Variants in ACSF3 observed in about 807,000 individuals in gnomAD.
The protein encoded by ACSF3 is acyl-CoA synthetase family member 3, also known as malonate--CoA ligase ACSF3, mitochondrial.
Under a neutral mutation model 53.2 loss-of-function variants are expected in ACSF3, and 78 were observed. That is an observed-to-expected ratio of 1.47 (90% CI 1.22 to 1.77). The LOEUF (loss-of-function observed/expected upper bound fraction) is 1.77. Among genes scored for constraint, ACSF3 ranks in the 40% most tolerant of loss-of-function variants. The pLI is 0.00. For missense variants in ACSF3, 937 were observed against 771.1 expected, an observed-to-expected ratio of 1.22 and a Z score of -2.55; for synonymous variants, 414 against 333.1, an observed-to-expected ratio of 1.24 and a Z score of -2.65.
At chr16:89,132,067 A>T (rs1190644315) in intron 7 of ACSF3, among the ~76,000 whole-genome samples, 1 of 152,246 alleles carries the variant, frequency 6.6e-6, no homozygotes, top group Admixed American at 6.5e-5. Flanking sequence ...CAGCAGGACG[A>T]CACACTCGGC....
At chr16:89,139,193 C>T (rs530826182) in intron 8 of ACSF3, among the ~76,000 whole-genome samples, 6 of 152,306 alleles carry the variant, frequency 3.9e-5, no homozygotes, top group Admixed American at 2.0e-4. Context: ...TTTCCAGAGT[C>T]GGGAAAGTCT....
intron 10 of ACSF3, among the ~76,000 whole-genome samples, chr16:89,146,324 G>A (rs1912951488): frequency 1.3e-5 from 2 of 152,166 alleles, no homozygotes; most frequent in Admixed American, 6.5e-5. Context: ...CCTGTGGTGG[G>A]TTCCGTCCTG....
intron 8 of ACSF3, among the ~76,000 whole-genome samples, chr16:89,135,706 C>G (rs1376677435): frequency 6.6e-6 from 1 of 152,252 alleles, no homozygotes; most frequent in Non-Finnish European, 1.5e-5. Flanking sequence ...AGGTCTTGCT[C>G]TGAGCATCCC....
chr16:89,133,878 G>A (rs924944637), intron 8 of ACSF3, among the ~76,000 whole-genome samples: 3 of 152,196 alleles, frequency 2.0e-5, no homozygotes, highest in East Asian at 3.9e-4. Flanking sequence ...AGCCTGTGGC[G>A]GTCAGGAGAG....
intron 8 of ACSF3, among the ~76,000 whole-genome samples, chr16:89,139,618 G>A (rs150872150): frequency 7.8e-6 from 1 of 128,758 alleles, no homozygotes; most frequent in African/African-American, 3.0e-5. Flanking sequence ...TTTCGAGACA[G>A]AGTCTTGCTC....
At chr16:89,133,369 G>A (rs1909737325) in intron 8 of ACSF3, 107 bp downstream of exon 8, 3 of 1,500,390 alleles carry the variant, frequency 2.0e-6, no homozygotes, top group South Asian at 2.3e-5. Flanking sequence ...AGAATTTTCA[G>A]CCAAAGGCAG....
chr16:89,118,889 C>T (rs989432912), intron 6 of ACSF3, among the ~76,000 whole-genome samples: 2 of 152,200 alleles, frequency 1.3e-5, no homozygotes, highest in Admixed American at 1.3e-4. Context: ...CAGCTGCGCT[C>T]CCATCTACAT....
At chr16:89,114,571 C>T (rs1904739192) in intron 6 of ACSF3, 84 bp downstream of exon 6, 12 of 1,583,536 alleles carry the variant, frequency 7.6e-6, no homozygotes, top group Admixed American at 3.4e-5. Flanking sequence ...CACCCACATT[C>T]GGACTGAAGG....
intron 6 of ACSF3, chr16:89,115,039 T>G (rs1438605217): frequency 4.4e-6 from 1 of 225,544 alleles, no homozygotes; most frequent in African/African-American, 2.3e-5. Context: ...ACCCAACCAT[T>G]TGAGCCCTGG....
At position 89,149,909 on chromosome 16, in the gene ACSF3, C is replaced by T. The variant is rs544858450; in HGVS notation, c.1613+3860C>T. ...TTGAAGGTGGGGTTTCACCAGGGAC[C>T]CACCCCTGTCTATCTGGGCATTTGA... On this transcript the variant is annotated intron_variant, in intron 10 of 10. Transcript: ENST00000614302. The T allele has an allele frequency of 7.9e-5, 12 of 152,318 alleles. No individual in the cohort carries two copies. In the South Asian group the frequency reaches 1.7e-3, roughly 21 times the overall value. 9.4% of individuals were successfully genotyped at this position (152,318 alleles called of 1,614,324 possible).
intron 8 of ACSF3, chr16:89,141,120 G>A (rs1051210167): frequency 5.4e-6 from 7 of 1,287,186 alleles, no homozygotes; most frequent in South Asian, 1.2e-5. Flanking sequence ...CCTCGCTGCC[G>A]CAGGACCTCC....
intron 9 of ACSF3, 135 bp downstream of exon 9, chr16:89,145,536 C>T (rs1482590650): frequency 2.6e-6 from 3 of 1,144,410 alleles, no homozygotes; most frequent in Admixed American, 2.2e-5. Flanking sequence ...CACCTCTGGT[C>T]CCTGCCCTGG....
chr16:89,151,354 T>C (rs184113661), intron 10 of ACSF3: 18 of 388,020 alleles, frequency 4.6e-5, no homozygotes, highest in African/African-American at 3.1e-4. Flanking sequence ...GCAAAGTAAG[T>C]CTCTGATGAA....
At chr16:89,102,551 G>T (rs567213963) in intron 3 of ACSF3, 53 bp from the exon 4 acceptor site, 1 of 1,606,740 alleles carries the variant, frequency 6.2e-7, no homozygotes, top group Non-Finnish European at 8.5e-7. Context: ...TGTGTGTGCT[G>T]TTGCGGGCCA....
intron 4 of ACSF3, among the ~76,000 whole-genome samples, chr16:89,108,272 T>C (rs545897874): frequency 1.3e-5 from 2 of 152,204 alleles, no homozygotes; most frequent in South Asian, 4.1e-4. Flanking sequence ...ACATGTCTCC[T>C]CTTCTGGTGC....
At chr16:89,100,480 A>G in intron 2 of ACSF3, 182 bp from the exon 3 acceptor site, 1 of 625,104 alleles carries the variant, frequency 1.6e-6, no homozygotes, top group Non-Finnish European at 2.8e-6. Flanking sequence ...CTGGGCACGT[A>G]CGGAACGTTC....
rs866593630 is a variant in ACSF3, at chr16:89,145,117, G to T, written c.1367-150G>T. On this transcript the variant is annotated intron_variant, in intron 8 of 10. Transcript: ENST00000614302. ...GCTTACCTGGCATAGCTGTTTCTCCGTTGGGGTTGCCACAGGGTAGTAACC... is the reference window on the plus strand; with the variant it reads ...GCTTACCTGGCATAGCTGTTTCTCCTTTGGGGTTGCCACAGGGTAGTAACC... 12 of 1,591,740 alleles carry T rather than the reference G, an allele frequency of 7.5e-6. No individual in the cohort carries two copies. In the East Asian group the frequency reaches 1.8e-4, roughly 24 times the overall value.
intron 7 of ACSF3, among the ~76,000 whole-genome samples, chr16:89,124,006 A>C (rs1567716032): frequency 2.4e-4 from 22 of 90,074 alleles, no homozygotes; most frequent in Non-Finnish European, 5.2e-5. Flanking sequence ...GTGCACACAC[A>C]GGTATCACAC....
intron 6 of ACSF3, 129 bp downstream of exon 6, chr16:89,114,616 A>G (rs1904748737): frequency 7.2e-7 from 1 of 1,396,222 alleles, no homozygotes; most frequent in Non-Finnish European, 9.9e-7. Context: ...GGGACAGGCC[A>G]CTCGGCCAGG....
Sources: gnomAD v4.1 joint callset for allele counts (sites outside exome capture counted in the v4.1 genomes callset) on GRCh38, gnomAD v4.1.1 for gene constraint, MANE v1.5 for transcripts, NCBI Gene and HGNC (gene_info 2026-07-23, HGNC 2026-07-21) for gene names.